RUBCN: variants seen among roughly 807,000 people sequenced by gnomAD.
RUBCN encodes rubicon autophagy regulator.
In RUBCN, 74 loss-of-function variants were observed where a neutral mutation model predicts 113.2. That is an observed-to-expected ratio of 0.65 (90% CI 0.54 to 0.79). The LOEUF is 0.79. RUBCN is among the 30% of genes least tolerant of loss of function. The pLI is 0.00. For synonymous variants in RUBCN, 480 were observed against 490.0 expected, an observed-to-expected ratio of 0.98 and a Z score of 0.27; for missense variants, 1,109 against 1,251.7, an observed-to-expected ratio of 0.89 and a Z score of 1.72.
intron 1 of RUBCN, among the ~76,000 whole-genome samples, chr3:197,733,430 T>G (rs1212197590): frequency 6.6e-6 from 1 of 152,174 alleles, no homozygotes; most frequent in African/African-American, 2.4e-5. Flanking sequence ...TGCAGTGAGC[T>G]ACGATTGCAC....
intron 1 of RUBCN, among the ~76,000 whole-genome samples, chr3:197,732,892 T>C (rs1218127905): frequency 6.6e-6 from 1 of 152,170 alleles, no homozygotes; most frequent in Non-Finnish European, 1.5e-5. Context: ...CCTCGCCTTA[T>C]TTCAAAAAAA....
chr3:197,676,603 G>A (rs759638956), intron 18 of RUBCN: 62 of 1,303,418 alleles, frequency 4.8e-5, no homozygotes, highest in Middle Eastern at 6.1e-4. Context: ...CTAAGCCACC[G>A]TGCCTGGCCA....
chr3:197,675,266 T>A lies in RUBCN; in HGVS notation c.2741-70A>T. ...TTATCTCCAGCTAGAGGTCAGTTGC[T>A]GCCACAGCCCCTTCTCGCCACCAAG... On this transcript the variant is annotated intron_variant, in intron 19 of 19. Coordinates refer to ENST00000296343, the MANE Select transcript of RUBCN (RefSeq NM_014687.4). The surrounding 1 kb of genome is among the most constrained non-coding windows in gnomAD (Gnocchi z 4.4). 1.3e-6 allele frequency: 2 copies of A among 1,589,006 alleles called. No individual in the cohort carries two copies. Among genetic ancestry groups the A allele is most frequent in the Middle Eastern group, 1.7e-4 (1 of 5,972 alleles).
intron 1 of RUBCN, among the ~76,000 whole-genome samples, chr3:197,746,925 C>T (rs1002110300): frequency 6.6e-6 from 1 of 151,702 alleles, no homozygotes; most frequent in Non-Finnish European, 1.5e-5. Flanking sequence ...CCGTCTTGCT[C>T]ACTTTTTTTT....
intron 1 of RUBCN, among the ~76,000 whole-genome samples, chr3:197,723,177 TTTTTAA>T (rs1359302545): frequency 6.6e-6 from 1 of 152,172 alleles, no homozygotes; most frequent in Non-Finnish European, 1.5e-5. Flanking sequence ...ATTTTATTTA[TTTTTAA>T]TTTTCTTTTT....
intron 1 of RUBCN, among the ~76,000 whole-genome samples, chr3:197,731,148 G>T (rs1177454477): frequency 6.6e-6 from 1 of 151,774 alleles, no homozygotes; most frequent in Non-Finnish European, 1.5e-5. Flanking sequence ...GCGGCCTTCC[G>T]CAGTGTTTGT....
At chr3:197,731,782 G>A (rs541061748) in intron 1 of RUBCN, among the ~76,000 whole-genome samples, 23 of 151,396 alleles carry the variant, frequency 1.5e-4, no homozygotes, top group African/African-American at 5.3e-4. Context: ...GGATGGGGCG[G>A]CTGGCCGGGC....
upstream of RUBCN, among the ~76,000 whole-genome samples, chr3:197,741,380 G>C (rs1182613928): frequency 6.6e-6 from 1 of 152,150 alleles, no homozygotes; most frequent in African/African-American, 2.4e-5. Context: ...TTCTTTTTCT[G>C]TTAGGCATAT....
At chr3:197,743,908 C>T (rs61175681) in intron 1 of RUBCN, among the ~76,000 whole-genome samples, 5,985 of 151,974 alleles carry the variant, frequency 0.039, 373 homozygotes, top group African/African-American at 0.14. Flanking sequence ...TGCTTGAACC[C>T]GGGAGGCGGA....
chr3:197,731,322 G>C (rs9870714), intron 1 of RUBCN, among the ~76,000 whole-genome samples: 2 of 152,084 alleles, frequency 1.3e-5, no homozygotes, highest in African/African-American at 4.8e-5. Context: ...TAACGTCACC[G>C]ATCAACAGGA....
chr3:197,674,556 C>T lies in RUBCN; in HGVS notation c.*462G>A, dbSNP rs1720119939. ...GGCACAGTCTGACCCCAGTCCAGGA[C>T]AGGGAGAGGGAAAACGCCATCCCCG... On this transcript the variant is annotated 3_prime_UTR_variant, in exon 20 of 20. Coordinates refer to ENST00000296343, the MANE Select transcript of RUBCN (RefSeq NM_014687.4). 1.9e-6 allele frequency: 1 copy of T among 517,562 alleles called. No individual in the cohort carries two copies. Among genetic ancestry groups the T allele is most frequent in the African/African-American group, 2.0e-5 (1 of 50,418 alleles). The allele number at this position is 517,562 out of a possible 1,614,324, so 32.1% of individuals were successfully genotyped here. A position where few individuals can be genotyped will look rare whatever the true frequency, so the allele number is the denominator to read the frequency against.
chr3:197,741,061 GCA>G (rs1355251153), upstream of RUBCN, among the ~76,000 whole-genome samples: 1 of 152,148 alleles, frequency 6.6e-6, no homozygotes, highest in African/African-American at 2.4e-5. Context: ...GGTATTCATT[GCA>G]CTATTTTTGC....
intron 2 of RUBCN, among the ~76,000 whole-genome samples, chr3:197,709,553 T>C (rs1724715667): frequency 6.6e-6 from 1 of 152,110 alleles, no homozygotes; most frequent in Non-Finnish European, 1.5e-5. Context: ...GCTAGTTTTG[T>C]ATTTTTAGTA....
chr3:197,685,650 T>C (rs1204952015), intron 11 of RUBCN, among the ~76,000 whole-genome samples: 2 of 152,356 alleles, frequency 1.3e-5, no homozygotes, highest in South Asian at 2.1e-4. Flanking sequence ...TTGGTTTTCC[T>C]ATGTTCTCTG....
upstream of RUBCN, among the ~76,000 whole-genome samples, chr3:197,741,376 T>C (rs1488042178): frequency 6.6e-6 from 1 of 152,252 alleles, no homozygotes; most frequent in Non-Finnish European, 1.5e-5. Context: ...AAAATTCTTT[T>C]TCTGTTAGGC....
chr3:197,705,919 G>A (rs1724250267), intron 2 of RUBCN, among the ~76,000 whole-genome samples: 1 of 151,986 alleles, frequency 6.6e-6, no homozygotes, highest in African/African-American at 2.4e-5. Flanking sequence ...GTAGAGATGG[G>A]GTTTTACCAT....
chr3:197,717,566 A>G (rs1442332370), intron 2 of RUBCN, among the ~76,000 whole-genome samples: 2 of 152,168 alleles, frequency 1.3e-5, no homozygotes, highest in East Asian at 3.9e-4. Context: ...AAGGCAAGGA[A>G]GTAGATTCTC....
intron 16 of RUBCN, among the ~76,000 whole-genome samples, chr3:197,679,021 T>C (rs1380111845): frequency 1.3e-5 from 2 of 151,498 alleles, no homozygotes; most frequent in African/African-American, 4.9e-5. Context: ...GGCTTCAGAC[T>C]GTCCTACGCT....
intron 1 of RUBCN, among the ~76,000 whole-genome samples, chr3:197,719,953 C>A (rs1725963184): frequency 6.6e-6 from 1 of 152,160 alleles, no homozygotes; most frequent in Non-Finnish European, 1.5e-5. Context: ...AACCTCTCTT[C>A]CAGCTATTCT....
Sources: gnomAD v4.1 joint callset for allele counts (sites outside exome capture counted in the v4.1 genomes callset) on GRCh38, gnomAD v4.1.1 for gene constraint, Gnocchi (gnomAD v3.1) non-coding constraint, MANE v1.5 for transcripts, NCBI Gene and HGNC (gene_info 2026-07-23, HGNC 2026-07-21) for gene names.